The following COL24A1 variants were observed in gnomAD, a reference collection of about 807,000 sequenced individuals.
COL24A1 encodes collagen type XXIV alpha 1 chain, also known as collagen alpha-1(XXIV) chain.
COL24A1 carries 224 observed loss-of-function variants against 253.9 expected under a neutral mutation model. The ratio of observed to expected loss-of-function variants is 0.88; its 90% CI spans 0.79 to 0.99. COL24A1 has a LOEUF of 0.99. Ranked by LOEUF, COL24A1 falls within the 50% of genes least tolerant of loss-of-function variation. The probability of loss-of-function intolerance (pLI) is 0.00; values close to 1 mark genes in which losing one functional copy is unlikely to be tolerated. For missense variants in COL24A1, 2,131 were observed against 2,068.5 expected, an observed-to-expected ratio of 1.03 and a Z score of -0.59; for synonymous variants, 685 against 673.7, an observed-to-expected ratio of 1.02 and a Z score of -0.26.
chr1:85,815,056 T>C (rs998937824), intron 47 of COL24A1, among the ~76,000 whole-genome samples: 2 of 152,306 alleles, frequency 1.3e-5, no homozygotes, highest in African/African-American at 4.8e-5. Flanking sequence ...ATTGGGTCCA[T>C]CCACCCCACC....
intron 27 of COL24A1, among the ~76,000 whole-genome samples, chr1:85,908,013 T>G (rs1435478003): frequency 6.6e-6 from 1 of 151,768 alleles, no homozygotes; most frequent in Admixed American, 6.6e-5. Context: ...AAACAGAAGC[T>G]TCACAAATAA....
chr1:85,966,330 C>A (rs974456174), intron 22 of COL24A1, among the ~76,000 whole-genome samples: 4 of 152,100 alleles, frequency 2.6e-5, no homozygotes, highest in Admixed American at 6.6e-5. Flanking sequence ...GCTTGTTAGA[C>A]ATCTAAATGG....
At chr1:85,833,419 C>T (rs11161684) in intron 43 of COL24A1, among the ~76,000 whole-genome samples, 53,105 of 151,836 alleles carry the variant, frequency 0.35, 10,123 homozygotes, top group Non-Finnish European at 0.43. Context: ...CAATGAGATA[C>T]CATCTCACAC....
chr1:85,768,253 G>A (rs1349071734), intron 53 of COL24A1, among the ~76,000 whole-genome samples: 5 of 152,190 alleles, frequency 3.3e-5, no homozygotes, highest in African/African-American at 1.2e-4. Context: ...ACAGGGGCCA[G>A]TTCATGTAGG....
chr1:86,092,126 C>T, intron 6 of COL24A1, 141 bp downstream of exon 6: 4 of 489,070 alleles, frequency 8.2e-6, no homozygotes, highest in South Asian at 3.0e-5. Flanking sequence ...TCAAATAGTT[C>T]TTCCTTCATT....
At chr1:86,144,702 A>G (rs1651635322) in intron 2 of COL24A1, among the ~76,000 whole-genome samples, 1 of 150,816 alleles carries the variant, frequency 6.6e-6, no homozygotes, top group African/African-American at 2.4e-5. Context: ...CAGTCAAAAT[A>G]TGAGCTCAAA....
intron 19 of COL24A1, among the ~76,000 whole-genome samples, chr1:86,001,163 A>G (rs1695369373): frequency 6.6e-6 from 1 of 152,356 alleles, no homozygotes; most frequent in Admixed American, 6.5e-5. Context: ...AGCATATGCA[A>G]GTATCATCAC....
chr1:86,094,569 C>T (rs1047281583), intron 5 of COL24A1, among the ~76,000 whole-genome samples: 3 of 151,970 alleles, frequency 2.0e-5, no homozygotes, highest in African/African-American at 7.2e-5. Context: ...CAAGAAACCC[C>T]TAATGACACA....
intron 32 of COL24A1, among the ~76,000 whole-genome samples, chr1:85,879,622 C>A (rs1204882546): frequency 6.6e-6 from 1 of 152,162 alleles, no homozygotes; most frequent in Non-Finnish European, 1.5e-5. Context: ...TTACTAATAA[C>A]ATAAGCAGCT....
chr1:86,116,095 A>G (rs1420422668), intron 3 of COL24A1, among the ~76,000 whole-genome samples: 6 of 152,190 alleles, frequency 3.9e-5, no homozygotes, highest in African/African-American at 1.4e-4. Flanking sequence ...TACTTTAACA[A>G]TCAACTGTGG....
At chr1:85,951,200 G>A (rs938583409) in intron 24 of COL24A1, among the ~76,000 whole-genome samples, 1 of 152,060 alleles carries the variant, frequency 6.6e-6, no homozygotes, top group South Asian at 2.1e-4. Context: ...CAAAAATAAG[G>A]CATGTGGTCA....
chr1:85,760,805 C>A (rs185442519), intron 55 of COL24A1, among the ~76,000 whole-genome samples: 5 of 151,902 alleles, frequency 3.3e-5, no homozygotes, highest in East Asian at 3.9e-4. Flanking sequence ...AAACAGACTG[C>A]GGAATATGAG....
At chr1:85,744,896 G>T in intron 56 of COL24A1, 62 bp from the exon 57 acceptor site, 1 of 1,289,272 alleles carries the variant, frequency 7.8e-7, no homozygotes, top group Non-Finnish European at 1.1e-6. Flanking sequence ...ATGGGCCAAG[G>T]CAGGAGAAGA....
chr1:85,767,398 A>G (rs1667492887), intron 53 of COL24A1, among the ~76,000 whole-genome samples: 1 of 152,176 alleles, frequency 6.6e-6, no homozygotes. Context: ...AAAATTCCCA[A>G]TGAAAAGTGT....
rs528678825 is a variant in COL24A1 at position 85,854,823 on chromosome 1, C to T, written c.3301-5417G>A. 3.9e-5 allele frequency among the ~76,000 whole-genome samples: 6 copies of T among 152,172 alleles called. No homozygotes were observed. In the East Asian group the frequency reaches 7.7e-4, roughly 20 times the overall value. On this transcript the variant is annotated intron_variant, in intron 37 of 59. Coordinates refer to ENST00000370571, the MANE Select transcript of COL24A1 (RefSeq NM_152890.7). ...GGTTCAAGCGATTCTCCCGCCTCAG[C>T]CTCCTGAGTAGCTGGGACTACAGGT...
At position 85,889,458 on chromosome 1, in the gene COL24A1, G is replaced by C; in HGVS notation, c.2976+102C>G. On this transcript the variant is annotated intron_variant, in intron 32 of 59. Coordinates refer to ENST00000370571, the MANE Select transcript of COL24A1 (RefSeq NM_152890.7). The stretch of plus-strand genomic sequence containing the variant: ...GTCTATGGTGTCTATGATAAATGCT[G>C]CTTTCTAAAACATACCAGTCACAGC... The C allele has an allele frequency of 3.1e-6, 3 of 973,480 alleles. No individual in the cohort carries two copies. The South Asian group carries it at 4.2e-5, about 14-fold the overall frequency. 60.3% of individuals were successfully genotyped at this position (973,480 alleles called of 1,614,324 possible). A position where few individuals can be genotyped will look rare whatever the true frequency, so the allele number is the denominator to read the frequency against.
chr1:85,915,436 A>C (rs1167605219), intron 24 of COL24A1, among the ~76,000 whole-genome samples: 1 of 152,166 alleles, frequency 6.6e-6, no homozygotes, highest in African/African-American at 2.4e-5. Context: ...GAAGACTGTG[A>C]GATTTTTTTT....
At chr1:85,892,984 G>T (rs1408970039) in intron 31 of COL24A1, among the ~76,000 whole-genome samples, 1 of 152,030 alleles carries the variant, frequency 6.6e-6, no homozygotes, top group Non-Finnish European at 1.5e-5. Context: ...TTAAATGGGA[G>T]ACCCAAATCT....
Position 86,125,135 on chromosome 1 carries a change from T to C in COL24A1, c.1201A>G (p.Lys401Glu). 1 of 1,613,478 alleles carries C rather than the reference T, an allele frequency of 6.2e-7. No homozygotes were observed. The highest frequency in any genetic ancestry group is 1.7e-4 in the Middle Eastern group (1 of 6,054). ...KKMPSILPQI[K>E]QDTITNLKKA... Reference sequence around the variant, plus strand: ...TTGAGATTAGTAATTGTATCTTGTTTAATTTGTGGAAGAATAGATGGCATC... The same window carrying C: ...TTGAGATTAGTAATTGTATCTTGTTCAATTTGTGGAAGAATAGATGGCATC... Residue 401 changes from lysine to glutamate, a missense_variant, in exon 3 of 60, where the codon AAA becomes GAA. Lys to Glu is a moderately conservative substitution (Grantham distance 56). Transcript: ENST00000370571.
Sources: gnomAD v4.1 joint callset for allele counts (sites outside exome capture counted in the v4.1 genomes callset) on GRCh38, gnomAD v4.1.1 for gene constraint, MANE v1.5 for transcripts, NCBI Gene and HGNC (gene_info 2026-07-23, HGNC 2026-07-21) for gene names.